Variants in ZMYND8 observed in about 807,000 individuals in gnomAD.
ZMYND8 encodes zinc finger MYND-type containing 8, also known as MYND-type zinc finger-containing chromatin reader ZMYND8.
ZMYND8 carries 37 observed loss-of-function variants against 140.8 expected under a neutral mutation model. The ratio of observed to expected loss-of-function variants is 0.26; its 90% confidence interval spans 0.20 to 0.35. ZMYND8 has a LOEUF of 0.35. Ranked by LOEUF, ZMYND8 falls within the 10% of genes least tolerant of loss-of-function variation. The pLI, the probability that ZMYND8 is intolerant of heterozygous loss-of-function variation, is 1.00. For synonymous variants in ZMYND8, 592 were observed against 597.1 expected (o/e 0.99, Z 0.12); for missense variants, 1,068 against 1,570.0 (o/e 0.68, Z 5.40).
At chr20:47,211,872 G>C (rs1420561622) in intron 22 of ZMYND8, among the ~76,000 whole-genome samples, 3 of 152,162 alleles carry the variant, frequency 2.0e-5, no homozygotes, top group Non-Finnish European at 4.4e-5. Context: ...AAAAAGGCAT[G>C]TGTGGGTAAT....
At chr20:47,255,789 G>GTA (rs1555925511) in intron 12 of ZMYND8, among the ~76,000 whole-genome samples, 18 of 107,884 alleles carry the variant, frequency 1.7e-4, no homozygotes, top group Non-Finnish European at 2.5e-4. Context: ...ATTTGTATGT[G>GTA]TATATATATA....
At chr20:47,284,422 T>C (rs1207019542) in intron 8 of ZMYND8, among the ~76,000 whole-genome samples, 1 of 152,142 alleles carries the variant, frequency 6.6e-6, no homozygotes, top group African/African-American at 2.4e-5. Context: ...ACTACTGAAA[T>C]CTAAGATGTA....
chr20:47,352,114 C>G (rs1179384530), intron 1 of ZMYND8: 2 of 673,960 alleles, frequency 3.0e-6, no homozygotes, highest in Non-Finnish European at 3.7e-6. Context: ...TGCAGACGGA[C>G]AGGTGTCTGT....
intron 2 of ZMYND8, among the ~76,000 whole-genome samples, chr20:47,331,657 G>A (rs576642813): frequency 1.3e-5 from 2 of 151,788 alleles, no homozygotes; most frequent in African/African-American, 4.8e-5. Context: ...GAGAGAGGAG[G>A]AGAAGGTGCC....
chr20:47,285,124 C>A lies in ZMYND8; in HGVS notation c.805-1476G>T, dbSNP rs529393952. Among the ~76,000 whole-genome samples, 10 of 152,258 alleles carry A rather than the reference C, an allele frequency of 6.6e-5. No individual in the cohort carries two copies. The East Asian group carries it at 1.9e-3, about 29-fold the overall frequency. On this transcript the variant is annotated intron_variant, in intron 8 of 22. Transcript: ENST00000471951. Reference sequence around the variant, plus strand: ...AATGAGGCCCCAAAAAGTTTAGTAACCTGCCCAAGGTCTTACAGCAACAAA... The same window carrying A: ...AATGAGGCCCCAAAAAGTTTAGTAAACTGCCCAAGGTCTTACAGCAACAAA...
intron 10 of ZMYND8, among the ~76,000 whole-genome samples, chr20:47,278,633 T>C (rs1159123462): frequency 6.6e-6 from 1 of 151,888 alleles, no homozygotes; most frequent in African/African-American, 2.4e-5. Flanking sequence ...CACCAGATCG[T>C]AACACAAACT....
At chr20:47,318,367 AT>A (rs1361705969) in intron 2 of ZMYND8, 1 of 298,288 alleles carries the variant, frequency 3.4e-6, no homozygotes, top group Non-Finnish European at 6.5e-6. Flanking sequence ...AGCATGGTTA[AT>A]CACTTCAAAG....
intron 12 of ZMYND8, among the ~76,000 whole-genome samples, chr20:47,255,763 T>TATAC (rs1304661711): frequency 1.0e-4 from 9 of 89,022 alleles, no homozygotes; most frequent in East Asian, 5.1e-4. Flanking sequence ...TATATATATA[T>TATAC]ACGGTATATA....
rs3092455 is a variant in ZMYND8, at chr20:47,226,151, T to TAA, written c.3016+1050_3016+1051dup. ...GGGAAACAAGAGTGAGACTCTGTCT[T>TAA]AAAAAAAAAAAAAAAAAGGAAAACG... On this transcript the variant is annotated intron_variant, in intron 18 of 22. Coordinates refer to ENST00000471951, the MANE Select transcript of ZMYND8 (RefSeq NM_001281775.3). 2.6e-3 allele frequency among the ~76,000 whole-genome samples: 343 copies of TAA among 132,194 alleles called. 2 individuals are homozygous for TAA. Among genetic ancestry groups the TAA allele is most frequent in the Middle Eastern group, 7.6e-3 (2 of 264 alleles). The allele number at this position is 132,194 out of a possible 152,430, so 86.7% of individuals were successfully genotyped here.
chr20:47,263,656 C>T lies in ZMYND8; in HGVS notation c.1481-1228G>A, dbSNP rs372197971. Among the ~76,000 whole-genome samples the T allele has an allele frequency of 5.9e-4, 90 of 152,306 alleles. No individual in the cohort carries two copies. In the South Asian group the frequency reaches 0.016, roughly 27 times the overall value. On this transcript the variant is annotated intron_variant, in intron 11 of 22. Transcript: ENST00000471951. ...AGCCAGACACTGTGGATTCAAGCCC[C>T]GGCTCAGCTGTTGCCCTGCTGTGTA...
chr20:47,312,657 G>C (rs988923504), intron 2 of ZMYND8, among the ~76,000 whole-genome samples: 17 of 152,110 alleles, frequency 1.1e-4, no homozygotes, highest in Admixed American at 1.3e-4. Context: ...AGGCATGGTA[G>C]CGCACACCCA....
intron 10 of ZMYND8, among the ~76,000 whole-genome samples, chr20:47,279,925 C>T (rs4810628): frequency 0.18 from 26,613 of 152,024 alleles, 2,397 homozygotes; most frequent in African/African-American, 0.21. Context: ...GAGTTCAAGA[C>T]CAGCCTGGGC....
rs2038918534 is a variant in ZMYND8, at chr20:47,234,204, A to G, written c.2856+2122T>C. 2.0e-5 allele frequency among the ~76,000 whole-genome samples: 3 copies of G among 152,222 alleles called. No homozygotes were observed. The South Asian group carries it at 6.2e-4, about 32-fold the overall frequency. ...GCTGGGACTACAGGCGCATGCCATC[A>G]TGCCAGGCTGATTTTTTGTATTTTG... On this transcript the variant is annotated intron_variant, in intron 16 of 22. Transcript: ENST00000471951.
intron 1 of ZMYND8, chr20:47,349,831 T>C (rs2082625186): frequency 1.3e-6 from 2 of 1,528,238 alleles, no homozygotes; most frequent in Admixed American, 2.0e-5. Flanking sequence ...AGGGAAACAA[T>C]TATGCAGAAC....
chr20:47,353,742 C>T (rs1490210250), intron 1 of ZMYND8: 1 of 152,172 alleles, frequency 6.6e-6, no homozygotes, highest in Non-Finnish European at 1.5e-5. Context: ...ACATTCTGTT[C>T]CTCCTTCTGC....
intron 11 of ZMYND8, among the ~76,000 whole-genome samples, chr20:47,263,419 T>C (rs4809631): frequency 0.27 from 40,736 of 151,096 alleles, 7,352 homozygotes; most frequent in African/African-American, 0.52. Context: ...GCTGGGACAC[T>C]TGTGTGGGCA....
intron 21 of ZMYND8, 96 bp downstream of exon 21, chr20:47,220,162 T>G: frequency 1.1e-6 from 1 of 940,690 alleles, no homozygotes; most frequent in Non-Finnish European, 1.5e-6. Context: ...TTGGAAACCA[T>G]TGGAATAAAC....
chr20:47,341,643 G>C (rs989592619), intron 2 of ZMYND8, among the ~76,000 whole-genome samples: 3 of 152,056 alleles, frequency 2.0e-5, no homozygotes, highest in African/African-American at 7.2e-5. Context: ...GGCCGAGGTG[G>C]GAGGATCACA....
intron 2 of ZMYND8, among the ~76,000 whole-genome samples, chr20:47,324,868 T>A (rs1408155322): frequency 6.6e-6 from 1 of 152,210 alleles, no homozygotes. Flanking sequence ...TGAAGTTATT[T>A]TTTTCCCTTC....
Sources: gnomAD v4.1 joint callset for allele counts (sites outside exome capture counted in the v4.1 genomes callset) on GRCh38, gnomAD v4.1.1 for gene constraint, MANE v1.5 for transcripts, NCBI Gene and HGNC (gene_info 2026-07-23, HGNC 2026-07-21) for gene names.